FRMPD4: variants seen among roughly 807,000 people sequenced by gnomAD.
FRMPD4 encodes the protein FERM and PDZ domain-containing protein 4.
Under a neutral mutation model 94.1 loss-of-function variants are expected in FRMPD4, and 22 were observed. That is an observed-to-expected ratio of 0.23 (90% confidence interval 0.17 to 0.33). The LOEUF (loss-of-function observed/expected upper bound fraction) is 0.33. Ranked by LOEUF, FRMPD4 falls within the 10% of genes least tolerant of loss-of-function variation. The pLI, the probability that FRMPD4 is intolerant of heterozygous loss-of-function variation, is 1.00. For synonymous variants in FRMPD4, 631 were observed against 548.6 expected (o/e 1.15, Z -2.10); for missense variants, 1,111 against 1,339.9 (o/e 0.83, Z 2.67).
At chrX:12,321,201 T>A (rs1243136128) in intron 1 of FRMPD4, among the ~76,000 whole-genome samples, 2 of 112,017 alleles carry the variant, frequency 1.8e-5, no homozygotes, top group African/African-American at 6.5e-5. Context: ...GAGAACAAAT[T>A]TTTGTAAAAT....
At chrX:11,891,831 G>C (rs927109901) in intron 3 of FRMPD4, among the ~76,000 whole-genome samples, 1 of 112,264 alleles carries the variant, frequency 8.9e-6, no homozygotes, top group Admixed American at 9.4e-5. Context: ...ATGTCATTTA[G>C]TAGTATCAAA....
At chrX:12,674,336 A>AT (rs1164561234) in intron 4 of FRMPD4, among the ~76,000 whole-genome samples, 4 of 111,426 alleles carry the variant, frequency 3.6e-5, no homozygotes, top group Admixed American at 2.9e-4. Flanking sequence ...CTGGGATGCT[A>AT]TTTTTTTCAT....
At chrX:11,929,643 C>T (rs1286108914) in intron 3 of FRMPD4, among the ~76,000 whole-genome samples, 3 of 112,048 alleles carry the variant, frequency 2.7e-5, no homozygotes, top group Non-Finnish European at 5.6e-5. Flanking sequence ...TTGGCCATGC[C>T]CCGGACACTC....
At chrX:12,424,153 T>C (rs1278273780) in intron 1 of FRMPD4, among the ~76,000 whole-genome samples, 1 of 112,290 alleles carries the variant, frequency 8.9e-6, no homozygotes, top group Non-Finnish European at 1.9e-5. Flanking sequence ...TGGGTATGGT[T>C]ACCGGTCATA....
At chrX:11,921,025 C>A (rs1374125605) in intron 3 of FRMPD4, among the ~76,000 whole-genome samples, 1 of 112,050 alleles carries the variant, frequency 8.9e-6, no homozygotes, top group Non-Finnish European at 1.9e-5. Flanking sequence ...GGTTTAATTG[C>A]CCCCAATTGT....
At chrX:12,686,345 C>T (rs2060024239) in intron 7 of FRMPD4, 141 bp downstream of exon 7, 1 of 372,172 alleles carries the variant, frequency 2.7e-6, no homozygotes. Flanking sequence ...ATAATGTAGT[C>T]TGTGAATACT....
chrX:12,455,305 T>C (rs750193982), intron 1 of FRMPD4, among the ~76,000 whole-genome samples: 17 of 112,087 alleles, frequency 1.5e-4, no homozygotes, highest in African/African-American at 5.2e-4. Context: ...AAAGTAACTT[T>C]ATCCTATAGT....
At chrX:12,047,194 T>C (rs1266279840) in intron 3 of FRMPD4, among the ~76,000 whole-genome samples, 1 of 110,153 alleles carries the variant, frequency 9.1e-6, no homozygotes, top group Non-Finnish European at 1.9e-5. Flanking sequence ...TGTATGGTTA[T>C]ATATATGGTT....
intron 1 of FRMPD4, among the ~76,000 whole-genome samples, chrX:12,370,373 C>A (rs748111673): frequency 8.9e-6 from 1 of 112,380 alleles, no homozygotes; most frequent in Non-Finnish European, 1.9e-5. Context: ...AGAAATGTAA[C>A]AAAAAGCAAA....
At chrX:12,236,572 A>C in intron 1 of FRMPD4, among the ~76,000 whole-genome samples, 1 of 112,128 alleles carries the variant, frequency 8.9e-6, no homozygotes, top group Non-Finnish European at 1.9e-5. Context: ...AAAGGAATTT[A>C]TATAATTTTA....
chrX:12,201,209 G>A (rs760013958), intron 1 of FRMPD4, among the ~76,000 whole-genome samples: 43 of 112,404 alleles, frequency 3.8e-4, no homozygotes, highest in African/African-American at 1.3e-3. Context: ...GTAAGATTTT[G>A]TGTTATTATT....
At chrX:11,882,710 T>C (rs2053820814) in intron 3 of FRMPD4, among the ~76,000 whole-genome samples, 1 of 111,964 alleles carries the variant, frequency 8.9e-6, no homozygotes, top group African/African-American at 3.2e-5. Flanking sequence ...TATATGTAAA[T>C]ATTCCAAAAT....
At chrX:12,108,338 A>G (rs2055319898) in intron 3 of FRMPD4, among the ~76,000 whole-genome samples, 1 of 111,771 alleles carries the variant, frequency 8.9e-6, no homozygotes, top group Non-Finnish European at 1.9e-5. Flanking sequence ...TCATAAGTGA[A>G]GGAGAAATAA....
chrX:12,197,240 G>T (rs1024783921), intron 1 of FRMPD4, among the ~76,000 whole-genome samples: 3 of 111,188 alleles, frequency 2.7e-5, no homozygotes, highest in African/African-American at 9.8e-5. Context: ...AGTGACCCCA[G>T]TGTGAGCCAA....
In FRMPD4 at chrX:12,107,906, A is replaced by G. The variant is rs138469625; in HGVS notation, c.95+229888A>G. ...TGAAAAGAAATGAACAAAGCCTCCA[A>G]GAAATATGGGACTATGTGAAAAGAC... On this transcript the variant is annotated intron_variant, in intron 3 of 18. Coordinates refer to the FRMPD4 transcript ENST00000640291. Among the ~76,000 whole-genome samples the G allele has an allele frequency of 7.6e-3, 853 of 112,074 alleles. 2 individuals are homozygous for G. Among genetic ancestry groups the G allele is most frequent in the South Asian group, 0.011 (29 of 2,636 alleles).
chrX:12,138,382 C>G (rs1407864434), upstream of FRMPD4: 1 of 116,917 alleles, frequency 8.6e-6, no homozygotes, highest in African/African-American at 3.2e-5. Context: ...GAGGCACACG[C>G]AGTGGGTGAC....
intron 3 of FRMPD4, among the ~76,000 whole-genome samples, chrX:12,027,677 T>C (rs2054668470): frequency 8.9e-6 from 1 of 112,438 alleles, no homozygotes; most frequent in Non-Finnish European, 1.9e-5. Context: ...CATAATGCAG[T>C]TATTGACATC....
chrX:12,373,654 G>A (rs1434900685), intron 1 of FRMPD4, among the ~76,000 whole-genome samples: 1 of 112,050 alleles, frequency 8.9e-6, no homozygotes, highest in Non-Finnish European at 1.9e-5. Flanking sequence ...AAAGAAAGAA[G>A]CCAATAATCC....
chrX:12,333,498 T>C (rs2055465262), intron 1 of FRMPD4, among the ~76,000 whole-genome samples: 1 of 111,870 alleles, frequency 8.9e-6, no homozygotes, highest in African/African-American at 3.2e-5. Context: ...TTCCTTAAAG[T>C]TAGCCAGGAA....
Sources: gnomAD v4.1 joint callset for allele counts (sites outside exome capture counted in the v4.1 genomes callset) on GRCh38, gnomAD v4.1.1 for gene constraint, MANE v1.5 for transcripts, NCBI Gene and HGNC (gene_info 2026-07-23, HGNC 2026-07-21) for gene names.